Variants in GABRB1 observed in about 807,000 individuals in gnomAD.
GABRB1 encodes the protein gamma-aminobutyric acid type A receptor subunit beta1, also known as gamma-aminobutyric acid receptor subunit beta-1.
In GABRB1, 17 loss-of-function variants were observed where a neutral mutation model predicts 51.6. The ratio of observed to expected loss-of-function variants is 0.33; its 90% CI spans 0.23 to 0.49. The LOEUF (loss-of-function observed/expected upper bound fraction) is 0.49. Among genes scored for constraint, GABRB1 ranks in the 20% least tolerant of loss-of-function variants. The pLI is 0.99. For missense variants in GABRB1, 410 were observed against 600.6 expected (o/e 0.68, Z 3.32); for synonymous variants, 247 against 218.9 (o/e 1.13, Z -1.14).
chr4:47,001,154 A>G (rs540730830), intron 1 of GABRB1, among the ~76,000 whole-genome samples: 5 of 151,872 alleles, frequency 3.3e-5, no homozygotes, highest in African/African-American at 1.2e-4. Context: ...TTTATTTTTT[A>G]TTTTTTGAGA....
chr4:47,157,907 C>A (rs1210475665), intron 3 of GABRB1, among the ~76,000 whole-genome samples: 2 of 152,086 alleles, frequency 1.3e-5, no homozygotes, highest in Admixed American at 1.3e-4. Context: ...CTTACCTACT[C>A]ACAGGTGTAA....
intron 1 of GABRB1, among the ~76,000 whole-genome samples, chr4:47,002,187 C>T (rs1356799921): frequency 6.6e-6 from 1 of 152,152 alleles, no homozygotes; most frequent in African/African-American, 2.4e-5. Flanking sequence ...ATATACCATA[C>T]AATGTAAAAC....
intron 4 of GABRB1, among the ~76,000 whole-genome samples, chr4:47,230,630 A>G (rs1413875198): frequency 6.6e-6 from 1 of 152,200 alleles, no homozygotes; most frequent in African/African-American, 2.4e-5. Context: ...CCTAACATTG[A>G]GCTTGCTAAG....
rs1010928710 is a variant in GABRB1, at chr4:47,082,369, C to T, written c.240+49885C>T. On this transcript the variant is annotated intron_variant, in intron 3 of 8. Transcript: ENST00000295454. ...ATACTGCTGCCTATGATGCCTCTGACCTGCTCTCTTTGAGAAAATCAGAAA... is the reference window on the plus strand; with the variant it reads ...ATACTGCTGCCTATGATGCCTCTGATCTGCTCTCTTTGAGAAAATCAGAAA... 3.9e-5 allele frequency among the ~76,000 whole-genome samples: 6 copies of T among 152,026 alleles called. No individual in the cohort carries two copies. The South Asian group carries it at 1.2e-3, about 32-fold the overall frequency.
chr4:47,299,435 G>A (rs1578075732), intron 4 of GABRB1, among the ~76,000 whole-genome samples: 1 of 152,098 alleles, frequency 6.6e-6, no homozygotes, highest in East Asian at 1.9e-4. Context: ...CGAAGGACAT[G>A]AACAGACACT....
At chr4:47,227,066 G>T (rs1452256944) in intron 4 of GABRB1, among the ~76,000 whole-genome samples, 1 of 152,174 alleles carries the variant, frequency 6.6e-6, no homozygotes, top group East Asian at 1.9e-4. Flanking sequence ...GCATTGCAGT[G>T]TTTATTATTC....
At chr4:47,166,142 T>C (rs1718175446) in intron 4 of GABRB1, among the ~76,000 whole-genome samples, 1 of 152,092 alleles carries the variant, frequency 6.6e-6, no homozygotes, top group African/African-American at 2.4e-5. Context: ...TCTGTAAACA[T>C]ATCTGAGGCA....
intron 4 of GABRB1, among the ~76,000 whole-genome samples, chr4:47,203,462 C>T (rs960311293): frequency 1.3e-5 from 2 of 152,096 alleles, no homozygotes; most frequent in African/African-American, 2.4e-5. Context: ...AAATTCACTT[C>T]TTTGCTGAAT....
intron 4 of GABRB1, among the ~76,000 whole-genome samples, chr4:47,251,634 G>A (rs779621711): frequency 1.3e-5 from 2 of 152,158 alleles, no homozygotes; most frequent in Non-Finnish European, 2.9e-5. Flanking sequence ...CTGCTGCGGA[G>A]GATGTGGGTG....
At chr4:47,233,067 G>C (rs1251188645) in intron 4 of GABRB1, among the ~76,000 whole-genome samples, 1 of 151,986 alleles carries the variant, frequency 6.6e-6, no homozygotes, top group East Asian at 1.9e-4. Flanking sequence ...GTAGAGACAG[G>C]ATTTCACCAT....
At chr4:47,014,087 A>T (rs1577825401) in intron 1 of GABRB1, among the ~76,000 whole-genome samples, 1 of 152,154 alleles carries the variant, frequency 6.6e-6, no homozygotes, top group East Asian at 1.9e-4. Context: ...GTAGGTATCC[A>T]GGTTTATTGT....
intron 8 of GABRB1, among the ~76,000 whole-genome samples, chr4:47,416,316 A>C (rs1051012833): frequency 6.6e-6 from 1 of 152,186 alleles, no homozygotes; most frequent in African/African-American, 2.4e-5. Context: ...ATGAGGGCTG[A>C]GGTACCCACA....
In GABRB1 at chr4:47,229,462, C is replaced by G. The variant is rs1382710826; in HGVS notation, c.461+67993C>G. 2.0e-5 allele frequency among the ~76,000 whole-genome samples: 3 copies of G among 152,034 alleles called. No individual in the cohort carries two copies. The East Asian group carries it at 5.8e-4, about 29-fold the overall frequency. On this transcript the variant is annotated intron_variant, in intron 4 of 8. Transcript: ENST00000295454. The stretch of plus-strand genomic sequence containing the variant: ...TCTGTAATTATTCCTAGTAAGAAAA[C>G]GAGTGTATCCAAACAAAAATTGAAT...
chr4:47,210,047 C>A (rs1720295409), intron 4 of GABRB1, among the ~76,000 whole-genome samples: 1 of 152,210 alleles, frequency 6.6e-6, no homozygotes, highest in African/African-American at 2.4e-5. Flanking sequence ...TGGTTCACTG[C>A]TTATTCCAGT....
At chr4:47,267,136 C>T (rs1473123249) in intron 4 of GABRB1, among the ~76,000 whole-genome samples, 2 of 151,882 alleles carry the variant, frequency 1.3e-5, no homozygotes, top group Admixed American at 6.6e-5. Context: ...AATCTTTCTC[C>T]TTAAGAGACA....
intron 4 of GABRB1, among the ~76,000 whole-genome samples, chr4:47,189,871 G>T (rs1008366698): frequency 6.6e-6 from 1 of 151,928 alleles, no homozygotes; most frequent in East Asian, 1.9e-4. Context: ...GTGTTTTAAT[G>T]CAGTGAGCTC....
At chr4:47,391,046 C>T (rs567850450) in intron 5 of GABRB1, among the ~76,000 whole-genome samples, 2 of 152,098 alleles carry the variant, frequency 1.3e-5, no homozygotes, top group East Asian at 1.9e-4. Context: ...TGTGGTGGCA[C>T]GTGCCTGTAA....
At chr4:47,343,029 C>T (rs1470412954) in intron 5 of GABRB1, among the ~76,000 whole-genome samples, 3 of 151,836 alleles carry the variant, frequency 2.0e-5, no homozygotes, top group African/African-American at 4.8e-5. Flanking sequence ...GATAATCAGC[C>T]AAGTAGAGGC....
chr4:47,372,421 C>A (rs1446512413), intron 5 of GABRB1, among the ~76,000 whole-genome samples: 1 of 152,114 alleles, frequency 6.6e-6, no homozygotes, highest in East Asian at 1.9e-4. Flanking sequence ...TTTGTTTTTT[C>A]TCCAATTTTG....
Sources: allele counts gnomAD v4.1 joint callset (sites outside exome capture counted in the v4.1 genomes callset), GRCh38; gene constraint gnomAD v4.1.1; transcripts MANE v1.5; gene names NCBI Gene and HGNC (gene_info 2026-07-23, HGNC 2026-07-21).